NTRK2: variants seen among roughly 807,000 people sequenced by gnomAD.
NTRK2 encodes the protein BDNF/NT-3 growth factors receptor.
A neutral mutation model predicts 94.5 loss-of-function variants in NTRK2; 13 were observed. That is an observed-to-expected ratio of 0.14 (90% CI 0.09 to 0.22). The LOEUF (loss-of-function observed/expected upper bound fraction) is 0.22, where lower values mean the gene tolerates loss of function less well. NTRK2 is among the 10% of genes least tolerant of loss of function. NTRK2 has a pLI of 1.00. For synonymous variants in NTRK2, 372 were observed against 407.4 expected, an observed-to-expected ratio of 0.91 and a Z score of 1.05; for missense variants, 639 against 1,071.2, an observed-to-expected ratio of 0.60 and a Z score of 5.63.
At chr9:84,876,701 T>C (rs150568608) in intron 14 of NTRK2, 1 of 1,060,640 alleles carries the variant, frequency 9.4e-7, no homozygotes, top group Non-Finnish European at 1.1e-6. Context: ...ATGCTAATGA[T>C]CACATTTCTT....
intron 17 of NTRK2, among the ~76,000 whole-genome samples, chr9:84,974,573 C>T (rs1378341485): frequency 1.3e-5 from 2 of 152,218 alleles, no homozygotes; most frequent in East Asian, 3.9e-4. Context: ...TTGAATTCCT[C>T]TCCACATCTC....
chr9:84,955,039 G>A (rs1023160979), intron 16 of NTRK2, among the ~76,000 whole-genome samples: 3 of 152,192 alleles, frequency 2.0e-5, no homozygotes, highest in Non-Finnish European at 2.9e-5. Flanking sequence ...AGGCCCACGG[G>A]GTCCTGGGAA....
chr9:84,979,719 G>A lies in NTRK2; in HGVS notation c.2172+24202G>A, dbSNP rs567506978. On this transcript the variant is annotated intron_variant, in intron 17 of 18. Coordinates refer to ENST00000277120, the MANE Select transcript of NTRK2 (RefSeq NM_006180.6). Reference sequence around the variant, plus strand: ...AGAGAAATCTTTTGTGAAAGGAAGAGTCAATCCATGCAATAAATTTCACTG... The same window carrying A: ...AGAGAAATCTTTTGTGAAAGGAAGAATCAATCCATGCAATAAATTTCACTG... 3.9e-5 allele frequency among the ~76,000 whole-genome samples: 6 copies of A among 152,310 alleles called. No homozygotes were observed. The South Asian group carries it at 6.2e-4, about 16-fold the overall frequency.
At chr9:84,753,745 A>T (rs2064842100) in intron 12 of NTRK2, among the ~76,000 whole-genome samples, 1 of 152,182 alleles carries the variant, frequency 6.6e-6, no homozygotes, top group South Asian at 2.1e-4. Context: ...CTTGGACTGG[A>T]TGTCTCTAAA....
chr9:84,837,393 A>G (rs2073940094), intron 12 of NTRK2, among the ~76,000 whole-genome samples: 1 of 152,182 alleles, frequency 6.6e-6, no homozygotes, highest in Admixed American at 6.5e-5. Flanking sequence ...GGCCAGGTAA[A>G]CTTACACTAA....
chr9:84,827,334 A>ACCC (rs1260518969), intron 12 of NTRK2, among the ~76,000 whole-genome samples: 1 of 152,082 alleles, frequency 6.6e-6, no homozygotes, highest in African/African-American at 2.4e-5. Flanking sequence ...CATGCATTTA[A>ACCC]CCCTTCTCCT....
intron 14 of NTRK2, chr9:84,873,529 T>C: frequency 1.9e-6 from 2 of 1,057,570 alleles, no homozygotes; most frequent in African/African-American, 1.6e-5. Flanking sequence ...CTACAACAAT[T>C]TGATATCATA....
intron 6 of NTRK2, among the ~76,000 whole-genome samples, chr9:84,722,160 CTTTT>C (rs36100177): frequency 4.8e-4 from 32 of 67,076 alleles, no homozygotes; most frequent in South Asian, 1.2e-3. Context: ...CTATTAGGGG[CTTTT>C]TTTTTTTTTT....
intron 12 of NTRK2, among the ~76,000 whole-genome samples, chr9:84,791,101 C>T (rs989925948): frequency 6.6e-6 from 1 of 152,146 alleles, no homozygotes; most frequent in Non-Finnish European, 1.5e-5. Context: ...CTGATACTGA[C>T]CAAAATAAGT....
chr9:84,693,216 T>A (rs1207618220), intron 2 of NTRK2, among the ~76,000 whole-genome samples: 5 of 152,246 alleles, frequency 3.3e-5, no homozygotes, highest in African/African-American at 1.2e-4. Context: ...CTCTGGCTGA[T>A]CATCAGTTGC....
At chr9:84,962,865 T>TTCTACCCTTATGATC (rs1229643401) in intron 17 of NTRK2, among the ~76,000 whole-genome samples, 1 of 152,234 alleles carries the variant, frequency 6.6e-6, no homozygotes, top group African/African-American at 2.4e-5. Context: ...TGATTTCCTT[T>TTCTACCCTTATGATC]TCTACCCTTA....
At chr9:84,779,876 A>C (rs2067398045) in intron 12 of NTRK2, among the ~76,000 whole-genome samples, 1 of 152,150 alleles carries the variant, frequency 6.6e-6, no homozygotes, top group Non-Finnish European at 1.5e-5. Context: ...ATTCCTGTTT[A>C]CTTCTGATAA....
intron 12 of NTRK2, among the ~76,000 whole-genome samples, chr9:84,763,935 T>G (rs558711845): frequency 7.9e-5 from 12 of 152,306 alleles, no homozygotes; most frequent in South Asian, 6.2e-4. Context: ...GCAGTTGTCC[T>G]GTAGAATGTC....
At chr9:84,953,198 A>G (rs1823689508) in intron 16 of NTRK2, among the ~76,000 whole-genome samples, 1 of 152,232 alleles carries the variant, frequency 6.6e-6, no homozygotes, top group Non-Finnish European at 1.5e-5. Flanking sequence ...ACCCTCTAGT[A>G]TCCTGAAGAG....
chr9:84,727,013 A>G (rs2062511808), intron 8 of NTRK2, among the ~76,000 whole-genome samples: 1 of 152,236 alleles, frequency 6.6e-6, no homozygotes, highest in Non-Finnish European at 1.5e-5. Flanking sequence ...ATTGGCATCT[A>G]GGATCCTAGC....
chr9:84,687,060 G>A (rs2059763216), intron 2 of NTRK2, among the ~76,000 whole-genome samples: 1 of 152,132 alleles, frequency 6.6e-6, no homozygotes, highest in African/African-American at 2.4e-5. Flanking sequence ...AAATGAATGG[G>A]AATTATGTAT....
At chr9:84,705,330 G>A (rs566303494) in intron 4 of NTRK2, among the ~76,000 whole-genome samples, 23 of 152,262 alleles carry the variant, frequency 1.5e-4, no homozygotes, top group South Asian at 6.2e-4. Context: ...AGAAAAGCTG[G>A]TATTTGTGTT....
At chr9:84,818,547 T>TA (rs1564347462) in intron 12 of NTRK2, among the ~76,000 whole-genome samples, 2 of 152,232 alleles carry the variant, frequency 1.3e-5, no homozygotes, top group Non-Finnish European at 2.9e-5. Context: ...AATTGGCACA[T>TA]ACATTTTAAA....
chr9:84,997,304 G>A (rs146413117), intron 17 of NTRK2, among the ~76,000 whole-genome samples: 1 of 152,248 alleles, frequency 6.6e-6, no homozygotes, highest in Admixed American at 6.5e-5. Flanking sequence ...CCAGGATGGG[G>A]GTCAAGAAGA....
Sources: gnomAD v4.1 joint callset for allele counts (sites outside exome capture counted in the v4.1 genomes callset) on GRCh38, gnomAD v4.1.1 for gene constraint, MANE v1.5 for transcripts, NCBI Gene and HGNC (gene_info 2026-07-23, HGNC 2026-07-21) for gene names.